The following PRCP variants were observed in gnomAD, a reference collection of about 807,000 sequenced individuals.
PRCP encodes the protein lysosomal Pro-X carboxypeptidase.
In PRCP, 46 loss-of-function variants were observed where a neutral mutation model predicts 54.2. The ratio of observed to expected loss-of-function variants is 0.85; its 90% CI spans 0.67 to 1.09. The LOEUF (loss-of-function observed/expected upper bound fraction) is 1.09, where lower values mean the gene tolerates loss of function less well. Among genes scored for constraint, PRCP ranks in the 50% least tolerant of loss-of-function variants. The pLI is 0.00. For synonymous variants in PRCP, 240 were observed against 212.2 expected, an observed-to-expected ratio of 1.13 and a Z score of -1.14; for missense variants, 613 against 596.8, an observed-to-expected ratio of 1.03 and a Z score of -0.28.
In PRCP at chr11:82,824,674, G is replaced by A; in HGVS notation, c.*232C>T. 2.0e-6 allele frequency: 1 copy of A among 506,540 alleles called. No homozygotes were observed. The highest frequency in any genetic ancestry group is 3.6e-6 in the Non-Finnish European group (1 of 281,504). 31.4% of individuals were successfully genotyped at this position (506,540 alleles called of 1,614,324 possible). A position where few individuals can be genotyped will look rare whatever the true frequency, so the allele number is the denominator to read the frequency against. On this transcript the variant is annotated 3_prime_UTR_variant, in exon 9 of 9. Transcript: ENST00000313010. The stretch of plus-strand genomic sequence containing the variant: ...GTTATGAGGGCCACTGATGGTGTGG[G>A]AGAGCTATCAAGAAGATTCTTCCTA...
intron 1 of PRCP, among the ~76,000 whole-genome samples, chr11:82,870,774 G>A (rs1425095414): frequency 6.6e-6 from 1 of 152,146 alleles, no homozygotes; most frequent in East Asian, 1.9e-4. Context: ...CCCAGGAGCA[G>A]GAGCAGAGAA....
intron 6 of PRCP, chr11:82,840,700 T>C (rs148237149): frequency 5.9e-5 from 9 of 152,250 alleles, no homozygotes; most frequent in East Asian, 5.8e-4. Flanking sequence ...CAACAGCTAG[T>C]AATTATTAAG....
chr11:82,855,268 T>C (rs1399450432), intron 2 of PRCP, among the ~76,000 whole-genome samples: 2 of 152,150 alleles, frequency 1.3e-5, no homozygotes, highest in Non-Finnish European at 2.9e-5. Flanking sequence ...GAGAAAATAT[T>C]TGCAAACTAT....
upstream of PRCP, chr11:82,900,999 C>T: frequency 2.5e-6 from 1 of 398,486 alleles, no homozygotes. Context: ...TTGTTATTCC[C>T]ATCTACAGAT....
At chr11:82,852,188 A>C (rs1485393390) in intron 3 of PRCP, among the ~76,000 whole-genome samples, 3 of 152,188 alleles carry the variant, frequency 2.0e-5, no homozygotes, top group Non-Finnish European at 4.4e-5. Flanking sequence ...TACCAAGCTA[A>C]AGAATAGAAT....
intron 1 of PRCP, among the ~76,000 whole-genome samples, chr11:82,886,283 T>A (rs558129751): frequency 6.6e-6 from 1 of 152,188 alleles, no homozygotes; most frequent in East Asian, 1.9e-4. Flanking sequence ...CTTCCTGAAT[T>A]TTTTTAATTC....
chr11:82,837,476 A>C (rs144618481), intron 8 of PRCP, among the ~76,000 whole-genome samples: 147 of 152,384 alleles, frequency 9.6e-4, no homozygotes, highest in African/African-American at 3.4e-3. Context: ...AATCATTCAT[A>C]GACTTCTGTA....
At chr11:82,832,716 C>T (rs2121070889) in intron 8 of PRCP, among the ~76,000 whole-genome samples, 1 of 152,292 alleles carries the variant, frequency 6.6e-6, no homozygotes, top group South Asian at 2.1e-4. Context: ...AATTAGATCC[C>T]ATTTGTCAAT....
At chr11:82,889,457 G>C (rs376128260) in intron 1 of PRCP, among the ~76,000 whole-genome samples, 1 of 152,036 alleles carries the variant, frequency 6.6e-6, no homozygotes, top group Non-Finnish European at 1.5e-5. Flanking sequence ...AGAAAGAAGA[G>C]GAAGAGGAAG....
chr11:82,874,340 A>G (rs563145342), intron 1 of PRCP, among the ~76,000 whole-genome samples: 11 of 152,332 alleles, frequency 7.2e-5, no homozygotes, highest in African/African-American at 2.4e-4. Flanking sequence ...CTGGTGACAG[A>G]CAACAGGAAA....
chr11:82,851,783 T>A (rs1858963574), intron 3 of PRCP, among the ~76,000 whole-genome samples: 1 of 152,116 alleles, frequency 6.6e-6, no homozygotes, highest in Non-Finnish European at 1.5e-5. Context: ...ATCTGGCATA[T>A]TACTGAATCA....
intron 1 of PRCP, among the ~76,000 whole-genome samples, chr11:82,861,769 A>G (rs1859212134): frequency 6.6e-6 from 1 of 152,242 alleles, no homozygotes; most frequent in Non-Finnish European, 1.5e-5. Flanking sequence ...GGACTATTTT[A>G]GATTAAATGA....
At chr11:82,838,980 CT>C (rs1169802436) in intron 7 of PRCP, among the ~76,000 whole-genome samples, 1 of 152,152 alleles carries the variant, frequency 6.6e-6, no homozygotes, top group Non-Finnish European at 1.5e-5. Flanking sequence ...TACTTACTTA[CT>C]TTTTTACTAC....
intron 8 of PRCP, among the ~76,000 whole-genome samples, chr11:82,835,042 C>A (rs10792651): frequency 0.2 from 30,535 of 151,938 alleles, 3,876 homozygotes; most frequent in Admixed American, 0.34. Context: ...TCAGCCTGGG[C>A]GACAAGAGCA....
intron 8 of PRCP, chr11:82,836,975 AT>A: frequency 3.3e-6 from 1 of 301,710 alleles, no homozygotes. Context: ...GGAATATGTC[AT>A]TTAAGTTATG....
At chr11:82,841,466 A>G (rs1005332454) in intron 6 of PRCP, among the ~76,000 whole-genome samples, 3 of 152,156 alleles carry the variant, frequency 2.0e-5, no homozygotes, top group African/African-American at 7.2e-5. Context: ...GGTTGTTATT[A>G]TTATATAATC....
chr11:82,861,596 T>G (rs1256835168), intron 1 of PRCP, among the ~76,000 whole-genome samples: 2 of 152,126 alleles, frequency 1.3e-5, no homozygotes, highest in Non-Finnish European at 2.9e-5. Flanking sequence ...GACGTATTCC[T>G]GCCGAAAATG....
chr11:82,872,131 C>T (rs1419213598), intron 1 of PRCP, among the ~76,000 whole-genome samples: 1 of 152,122 alleles, frequency 6.6e-6, no homozygotes, highest in Non-Finnish European at 1.5e-5. Flanking sequence ...ATAAATAAAA[C>T]TTTATCACAG....
rs1161956539 is a variant in PRCP, at chr11:82,849,957, G to A, written c.708C>T (p.Ser236=). 1.2e-5 allele frequency: 19 copies of A among 1,530,824 alleles called. No homozygotes were observed. The highest frequency in any genetic ancestry group is 2.6e-5 in the South Asian group (2 of 77,942). The allele number at this position is 1,530,824 out of a possible 1,614,324, so 94.8% of individuals were successfully genotyped here. A position where few individuals can be genotyped will look rare whatever the true frequency, so the allele number is the denominator to read the frequency against. ...TAATGGCATCCCAGGACCTGTGGAT[G>A]CTCTCTGAACAATGTGGACCGCTTT... ...FRKSGPHCSE[S]IHRSWDAINR... is the part of the protein sequence containing the mutation. The change falls in exon 5 of 9, where the codon AGC becomes AGT. Residue 236 remains serine (S), a synonymous_variant. Transcript: ENST00000313010.
Sources: gnomAD v4.1 joint callset for allele counts (sites outside exome capture counted in the v4.1 genomes callset) on GRCh38, gnomAD v4.1.1 for gene constraint, MANE v1.5 for transcripts, NCBI Gene and HGNC (gene_info 2026-07-23, HGNC 2026-07-21) for gene names.